Variants in PSD3 observed in about 807,000 individuals in gnomAD.
The protein encoded by PSD3 is pleckstrin and Sec7 domain containing 3.
Under a neutral mutation model 105.5 loss-of-function variants are expected in PSD3, and 49 were observed. The observed-to-expected ratio is 0.46, with a 90% CI of 0.37 to 0.59. PSD3 has a LOEUF of 0.59. Among genes scored for constraint, PSD3 ranks in the 20% least tolerant of loss-of-function variants. PSD3 has a pLI of 0.00. For synonymous variants in PSD3, 557 were observed against 457.8 expected, an observed-to-expected ratio of 1.22 and a Z score of -2.77; for missense variants, 1,561 against 1,263.8, an observed-to-expected ratio of 1.24 and a Z score of -3.57.
intron 4 of PSD3, chr8:18,854,070 C>G (rs1232863048): frequency 1.3e-5 from 2 of 152,186 alleles, no homozygotes; most frequent in Non-Finnish European, 2.9e-5. Flanking sequence ...TAGGACCAGA[C>G]AAAGACAATA....
At chr8:18,798,739 C>T (rs1170296687) in intron 8 of PSD3, among the ~76,000 whole-genome samples, 3 of 152,060 alleles carry the variant, frequency 2.0e-5, no homozygotes, top group Non-Finnish European at 4.4e-5. Flanking sequence ...CGAGTAAATG[C>T]TAAAATTCTA....
At chr8:18,795,027 A>G (rs1810049435) in intron 8 of PSD3, among the ~76,000 whole-genome samples, 2 of 152,214 alleles carry the variant, frequency 1.3e-5, no homozygotes, top group Admixed American at 6.5e-5. Flanking sequence ...CCAATGCAAT[A>G]ATTAAGTTTA....
chr8:18,633,730 A>G (rs960586955), intron 10 of PSD3, among the ~76,000 whole-genome samples: 1 of 152,070 alleles, frequency 6.6e-6, no homozygotes, highest in Non-Finnish European at 1.5e-5. Context: ...CTATGAGTGC[A>G]TGTGTCTTTT....
intron 15 of PSD3, among the ~76,000 whole-genome samples, chr8:18,543,963 C>A (rs1800294771): frequency 6.6e-6 from 1 of 152,052 alleles, no homozygotes; most frequent in Non-Finnish European, 1.5e-5. Context: ...AGCTGGGCTG[C>A]AATTTTAACT....
At chr8:18,835,912 C>A (rs1367647436) in intron 4 of PSD3, among the ~76,000 whole-genome samples, 2 of 151,634 alleles carry the variant, frequency 1.3e-5, no homozygotes, top group African/African-American at 4.8e-5. Flanking sequence ...ACTTGGAGGT[C>A]ATGGTAAAGG....
At chr8:18,906,109 G>A (rs1819829463) in intron 2 of PSD3, among the ~76,000 whole-genome samples, 1 of 152,210 alleles carries the variant, frequency 6.6e-6, no homozygotes, top group African/African-American at 2.4e-5. Context: ...TGATTTTTCT[G>A]TTCTTTAAGT....
At chr8:18,650,424 C>A (rs1359966878) in intron 10 of PSD3, among the ~76,000 whole-genome samples, 1 of 152,180 alleles carries the variant, frequency 6.6e-6, no homozygotes, top group Non-Finnish European at 1.5e-5. Flanking sequence ...GCAAGTAGGT[C>A]AACAAATAGA....
chr8:18,904,164 G>C (rs900665060), intron 2 of PSD3, among the ~76,000 whole-genome samples: 1 of 152,126 alleles, frequency 6.6e-6, no homozygotes, highest in Non-Finnish European at 1.5e-5. Flanking sequence ...CATGTCACAA[G>C]GTGAGAGAGG....
intron 1 of PSD3, among the ~76,000 whole-genome samples, chr8:19,058,870 A>G (rs578021749): frequency 2.6e-4 from 40 of 152,304 alleles, no homozygotes; most frequent in African/African-American, 8.2e-4. Context: ...ATGGCTTTGG[A>G]AATCAAGGCA....
At chr8:18,712,859 T>C (rs1207822934) in intron 9 of PSD3, among the ~76,000 whole-genome samples, 1 of 152,134 alleles carries the variant, frequency 6.6e-6, no homozygotes, top group African/African-American at 2.4e-5. Flanking sequence ...CCAACATACG[T>C]GGTGAACACC....
At position 18,699,091 on chromosome 8, in the gene PSD3, T is replaced by C. The variant is rs139351074; in HGVS notation, c.2173-43406A>G. Among the ~76,000 whole-genome samples, 22 of 152,224 alleles carry C rather than the reference T, an allele frequency of 1.4e-4. No individual in the cohort carries two copies. The East Asian group carries it at 4.1e-3, about 28-fold the overall frequency. ...CCCTTCTTCCTCCCATGGTACAGGGTTGTTTCTGGGAACATCCAGAGACTG... is the reference window on the plus strand; with the variant it reads ...CCCTTCTTCCTCCCATGGTACAGGGCTGTTTCTGGGAACATCCAGAGACTG... On this transcript the variant is annotated intron_variant, in intron 9 of 15. Coordinates refer to ENST00000327040, the MANE Select transcript of PSD3 (RefSeq NM_015310.4).
chr8:18,603,078 C>A (rs576928348), intron 11 of PSD3, among the ~76,000 whole-genome samples: 11 of 152,296 alleles, frequency 7.2e-5, no homozygotes, highest in Non-Finnish European at 1.5e-4. Context: ...AGGCTGACAT[C>A]CTTTAATATC....
chr8:18,961,946 A>C (rs1823953807), intron 1 of PSD3, among the ~76,000 whole-genome samples: 1 of 152,066 alleles, frequency 6.6e-6, no homozygotes, highest in Non-Finnish European at 1.5e-5. Context: ...AAAATCTATG[A>C]CATCGGCTTT....
intron 9 of PSD3, among the ~76,000 whole-genome samples, chr8:18,764,520 C>T (rs977832342): frequency 1.3e-5 from 2 of 152,074 alleles, no homozygotes; most frequent in African/African-American, 2.4e-5. Flanking sequence ...AATACCACAT[C>T]GTAATGCCTT....
intron 9 of PSD3, among the ~76,000 whole-genome samples, chr8:18,674,359 A>C (rs1216805187): frequency 6.6e-6 from 1 of 152,088 alleles, no homozygotes; most frequent in East Asian, 1.9e-4. Context: ...TTTGGCATCC[A>C]GTTTTTTTCT....
Position 18,935,956 on chromosome 8 carries a change from G to A in PSD3, c.130+78C>T, listed in dbSNP as rs1822097882. On this transcript the variant is annotated intron_variant, in intron 2 of 15. Transcript: ENST00000327040. ...TTCACAGAGGGAAGAAGAAAGTAAT[G>A]CAGGTGGAGAAAAATCACTTTGAAA... 3 of 856,022 alleles carry A rather than the reference G, an allele frequency of 3.5e-6. No individual in the cohort carries two copies. In the South Asian group the frequency reaches 4.8e-5, roughly 14 times the overall value. The allele number at this position is 856,022 out of a possible 1,614,324, so 53.0% of individuals were successfully genotyped here.
At chr8:18,752,870 G>C (rs1256518754) in intron 9 of PSD3, among the ~76,000 whole-genome samples, 22 of 150,918 alleles carry the variant, frequency 1.5e-4, no homozygotes, top group Non-Finnish European at 4.4e-5. Context: ...CAATGTACCT[G>C]TCTTGCATTC....
At chr8:18,641,174 T>C (rs574242280) in intron 10 of PSD3, among the ~76,000 whole-genome samples, 4 of 152,344 alleles carry the variant, frequency 2.6e-5, no homozygotes, top group African/African-American at 7.2e-5. Context: ...GTCCACCTTG[T>C]ACTGGCAATC....
At chr8:18,847,108 C>T (rs145016491) in intron 4 of PSD3, among the ~76,000 whole-genome samples, 21 of 152,276 alleles carry the variant, frequency 1.4e-4, no homozygotes, top group African/African-American at 4.6e-4. Context: ...GCTGGTTTCA[C>T]TTCCGCTGCT....
Sources: gnomAD v4.1 joint callset for allele counts (sites outside exome capture counted in the v4.1 genomes callset) on GRCh38, gnomAD v4.1.1 for gene constraint, MANE v1.5 for transcripts, NCBI Gene and HGNC (gene_info 2026-07-23, HGNC 2026-07-21) for gene names.